MIB1: variants seen among roughly 807,000 people sequenced by gnomAD.
MIB1 encodes the protein MIB E3 ubiquitin protein ligase 1.
A neutral mutation model predicts 124.5 loss-of-function variants in MIB1; 278 were observed. The ratio of observed to expected loss-of-function variants is 2.23; its 90% CI spans 2.02 to 2.47. The LOEUF (loss-of-function observed/expected upper bound fraction) is 2.47. MIB1 is among the 30% of genes most tolerant of loss of function. The pLI is 0.00. For synonymous variants in MIB1, 446 were observed against 429.4 expected (o/e 1.04, Z -0.48); for missense variants, 957 against 1,254.4 (o/e 0.76, Z 3.58).
intron 12 of MIB1, among the ~76,000 whole-genome samples, chr18:21,835,840 A>ACACACAAAAACAC (rs1555695330): frequency 1.7e-4 from 18 of 108,056 alleles, no homozygotes; most frequent in Non-Finnish European, 3.0e-4. Flanking sequence ...CACACACACA[A>ACACACAAAAACAC]ACACACACGA....
intron 9 of MIB1, among the ~76,000 whole-genome samples, chr18:21,801,578 A>G (rs925644532): frequency 3.9e-5 from 6 of 152,146 alleles, no homozygotes; most frequent in Non-Finnish European, 7.4e-5. Flanking sequence ...CCACACCTCT[A>G]TTAAGATGTA....
intron 7 of MIB1, among the ~76,000 whole-genome samples, chr18:21,795,407 C>CAT (rs577078486): frequency 6.3e-5 from 9 of 143,428 alleles, no homozygotes; most frequent in South Asian, 2.1e-4. Context: ...TATACACACA[C>CAT]ATATATATAA....
intron 6 of MIB1, among the ~76,000 whole-genome samples, chr18:21,789,593 C>G (rs1237635785): frequency 6.6e-6 from 1 of 151,900 alleles, no homozygotes; most frequent in Non-Finnish European, 1.5e-5. Context: ...TATTAAAATT[C>G]CTGACCCGAG....
intron 1 of MIB1, among the ~76,000 whole-genome samples, chr18:21,750,076 T>C (rs937598343): frequency 6.6e-6 from 1 of 151,748 alleles, no homozygotes; most frequent in East Asian, 1.9e-4. Flanking sequence ...AAAAATTAGG[T>C]TTTTTTTGCA....
At chr18:21,820,648 A>G (rs977903402) in intron 12 of MIB1, among the ~76,000 whole-genome samples, 6 of 152,196 alleles carry the variant, frequency 3.9e-5, no homozygotes, top group Non-Finnish European at 7.3e-5. Flanking sequence ...CAGTAGTATT[A>G]TATTTCCCTG....
At chr18:21,814,377 C>CT (rs35174195) in intron 10 of MIB1, among the ~76,000 whole-genome samples, 111 of 137,042 alleles carry the variant, frequency 8.1e-4, no homozygotes, top group East Asian at 5.1e-3. Context: ...GTTTGGCATT[C>CT]TTTTTTTTTT....
intron 10 of MIB1, among the ~76,000 whole-genome samples, chr18:21,813,291 CTAGAGAGATTAACT>C (rs60280134): frequency 0.035 from 5,289 of 150,286 alleles, 336 homozygotes; most frequent in African/African-American, 0.12. Context: ...ATATCTGTTA[CTAGAGAGATTAACT>C]TAGAGAGATT....
At chr18:21,731,211 G>A (rs1462250465) in intron 1 of MIB1, among the ~76,000 whole-genome samples, 1 of 152,216 alleles carries the variant, frequency 6.6e-6, no homozygotes, top group Non-Finnish European at 1.5e-5. Flanking sequence ...CTGGGGTGCA[G>A]TGACTGTCTT....
At chr18:21,734,364 C>T (rs1391772993) in intron 1 of MIB1, among the ~76,000 whole-genome samples, 1 of 152,054 alleles carries the variant, frequency 6.6e-6, no homozygotes, top group Non-Finnish European at 1.5e-5. Flanking sequence ...CTCAGCCTCC[C>T]AAAGTGCTGG....
intron 6 of MIB1, among the ~76,000 whole-genome samples, chr18:21,781,268 A>G (rs904428639): frequency 6.7e-6 from 1 of 149,940 alleles, no homozygotes; most frequent in African/African-American, 2.5e-5. Context: ...GTTTGGTAGA[A>G]TCTGGCATTG....
At chr18:21,732,349 T>TACACAC (rs1491095506) in intron 1 of MIB1, among the ~76,000 whole-genome samples, 6 of 55,098 alleles carry the variant, frequency 1.1e-4, no homozygotes, top group South Asian at 6.4e-4. Flanking sequence ...ATATTATATG[T>TACACAC]ATACACACAC....
intron 13 of MIB1, among the ~76,000 whole-genome samples, chr18:21,841,708 TCCCACTTCTAGGTATGTA>T (rs2042090799): frequency 6.6e-6 from 1 of 152,124 alleles, no homozygotes; most frequent in Non-Finnish European, 1.5e-5. Flanking sequence ...GACTCAGCTA[TCCCACTTCTAGGTATGTA>T]CCCAAGAGAA....
intron 10 of MIB1, among the ~76,000 whole-genome samples, chr18:21,807,002 G>C (rs2041716502): frequency 6.6e-6 from 1 of 152,104 alleles, no homozygotes; most frequent in Admixed American, 6.5e-5. Flanking sequence ...TTCCTCATTT[G>C]GATTTCCATT....
chr18:21,798,468 TG>T (rs1208961948), intron 8 of MIB1, among the ~76,000 whole-genome samples: 1 of 152,132 alleles, frequency 6.6e-6, no homozygotes, highest in African/African-American at 2.4e-5. Context: ...ATAAAATGTG[TG>T]CTTTTTCTTG....
At chr18:21,850,429 T>C (rs564063963) in intron 17 of MIB1, among the ~76,000 whole-genome samples, 1 of 152,286 alleles carries the variant, frequency 6.6e-6, no homozygotes, top group African/African-American at 2.4e-5. Context: ...TTAACCATCA[T>C]TAATAAGAAA....
Position 21,844,091 on chromosome 18 carries a change from G to A in MIB1, c.2050-1G>A, listed in dbSNP as rs769200141. 18 of 1,613,408 alleles carry A rather than the reference G, an allele frequency of 1.1e-5. No individual in the cohort carries two copies. The highest frequency in any genetic ancestry group is 2.2e-5 in the East Asian group (1 of 44,868). ...CAAAATGAGACATCTTTCTCTTTTA[G>A]CTTTTGGTCCGTGCAGGTGCCAAGC... On this transcript the variant is annotated splice_acceptor_variant, in intron 14 of 20. Coordinates refer to ENST00000261537, the MANE Select transcript of MIB1 (RefSeq NM_020774.4). LOFTEE classifies it high-confidence loss of function.
intron 1 of MIB1, among the ~76,000 whole-genome samples, chr18:21,712,383 C>T (rs1303108657): frequency 2.0e-5 from 3 of 152,090 alleles, no homozygotes; most frequent in Non-Finnish European, 4.4e-5. Flanking sequence ...CCAACCAATA[C>T]GATAGAGATA....
intron 9 of MIB1, among the ~76,000 whole-genome samples, chr18:21,800,695 ATGTT>A (rs1315619353): frequency 1.3e-5 from 2 of 151,874 alleles, no homozygotes; most frequent in Non-Finnish European, 2.9e-5. Context: ...CTTTCTTTGG[ATGTT>A]TGTTTGTTTT....
intron 12 of MIB1, among the ~76,000 whole-genome samples, chr18:21,836,295 A>G (rs2042031472): frequency 7.0e-6 from 1 of 142,374 alleles, no homozygotes; most frequent in Admixed American, 7.1e-5. Context: ...TTTTTTTGAG[A>G]TGGAGTCTCG....
Sources: allele counts gnomAD v4.1 joint callset (sites outside exome capture counted in the v4.1 genomes callset), GRCh38; gene constraint gnomAD v4.1.1; transcripts MANE v1.5; gene names NCBI Gene and HGNC (gene_info 2026-07-23, HGNC 2026-07-21).